PCCA: variants seen among roughly 807,000 people sequenced by gnomAD.
PCCA encodes the protein propionyl-CoA carboxylase subunit alpha, also known as propionyl-CoA carboxylase alpha chain, mitochondrial.
Under a neutral mutation model 101.3 loss-of-function variants are expected in PCCA, and 74 were observed. The observed-to-expected ratio is 0.73, with a 90% CI of 0.61 to 0.89. PCCA has a LOEUF of 0.89. Among genes scored for constraint, PCCA ranks in the 40% least tolerant of loss-of-function variants. The probability of loss-of-function intolerance (pLI) is 0.00; values close to 1 mark genes in which losing one functional copy is unlikely to be tolerated. For synonymous variants in PCCA, 294 were observed against 313.6 expected, an observed-to-expected ratio of 0.94 and a Z score of 0.66; for missense variants, 891 against 907.0, an observed-to-expected ratio of 0.98 and a Z score of 0.23.
chr13:100,484,675 A>G (rs983875236), intron 21 of PCCA, among the ~76,000 whole-genome samples: 1 of 152,238 alleles, frequency 6.6e-6, no homozygotes, highest in Non-Finnish European at 1.5e-5. Flanking sequence ...ATTAACACAT[A>G]TCAAATAGAC....
At chr13:100,378,895 A>C (rs1371641820) in intron 19 of PCCA, among the ~76,000 whole-genome samples, 1 of 151,994 alleles carries the variant, frequency 6.6e-6, no homozygotes, top group Non-Finnish European at 1.5e-5. Context: ...ATTAGTATCA[A>C]AATTTTTAGT....
intron 6 of PCCA, among the ~76,000 whole-genome samples, chr13:100,193,152 T>G: frequency 6.6e-6 from 1 of 152,180 alleles, no homozygotes; most frequent in East Asian, 1.9e-4. Flanking sequence ...TACAAGCAGG[T>G]GAGATGGGCC....
At chr13:100,220,483 C>G (rs557088127) in intron 7 of PCCA, among the ~76,000 whole-genome samples, 1 of 150,660 alleles carries the variant, frequency 6.6e-6, no homozygotes, top group Admixed American at 6.6e-5. Context: ...CCATGTTGGC[C>G]GGGTCTTGAA....
chr13:100,398,095 ACAC>A (rs1394991919), intron 19 of PCCA, among the ~76,000 whole-genome samples: 2 of 152,156 alleles, frequency 1.3e-5, no homozygotes, highest in Non-Finnish European at 2.9e-5. Context: ...GCTACGAAAA[ACAC>A]CAAGGAAATG....
chr13:100,201,711 G>A (rs1041299107), intron 6 of PCCA, among the ~76,000 whole-genome samples: 1 of 151,844 alleles, frequency 6.6e-6, no homozygotes, highest in Non-Finnish European at 1.5e-5. Context: ...TACAAAATTA[G>A]CTGGGCGTGG....
rs2053230786 is a variant in PCCA, at chr13:100,150,892, A to G, written c.301-4087A>G. The G allele has an allele frequency of 5.8e-6, 9 of 1,552,608 alleles. No homozygotes were observed. The South Asian group carries it at 1.0e-4, about 17-fold the overall frequency. ...TAGGAACTGGGCGTTTTCGGCCACCACGGCAAACACGAATCCTATATATAA... is the reference window on the plus strand; with the variant it reads ...TAGGAACTGGGCGTTTTCGGCCACCGCGGCAAACACGAATCCTATATATAA... On this transcript the variant is annotated intron_variant, in intron 4 of 23. Transcript: ENST00000376285.
Position 100,339,122 on chromosome 13 carries a change from C to T in PCCA, c.1541-1035C>T, listed in dbSNP as rs111668932. On this transcript the variant is annotated intron_variant, in intron 17 of 23. Coordinates refer to ENST00000376285, the MANE Select transcript of PCCA (RefSeq NM_000282.4). ...ATATAACTTAGACATATCCTCCCTG[C>T]ACTTTAAATCATCTCTAGGTTACTT... Among the ~76,000 whole-genome samples the T allele has an allele frequency of 2.5e-3, 387 of 152,184 alleles. 4 individuals carry two copies. In the South Asian group the frequency reaches 0.028, roughly 11 times the overall value.
rs200539967 is a variant in PCCA at position 100,301,557 on chromosome 13, A to C, written c.1163A>C (p.Asp388Ala). The C allele has an allele frequency of 6.2e-7, 1 of 1,614,080 alleles. No homozygotes were observed. Among genetic ancestry groups the C allele is most frequent in the Non-Finnish European group, 8.5e-7 (1 of 1,179,970 alleles). Residue 388 changes from aspartate to alanine, a missense_variant, in exon 13 of 24, where the codon GAT (aspartate) becomes GCT (alanine). Transcript: ENST00000376285. ...TACCCTCTCAGGCACAAACAAGCTG[A>C]TATTCGCATCAACGGCTGGGCAGTT... ...KGYPLRHKQA[D>A]IRINGWAVEC...
At position 100,264,488 on chromosome 13, in the gene PCCA, C is replaced by T. The variant is rs536247531; in HGVS notation, c.819+1657C>T. Among the ~76,000 whole-genome samples the T allele has an allele frequency of 3.7e-4, 57 of 152,204 alleles. 2 individuals carry two copies. In the South Asian group the frequency reaches 7.7e-3, roughly 21 times the overall value. ...AGTTCTTAAATTGCATAAATGAAAT[C>T]CAGTGATATAGTCTGTCACGTCTTC... On this transcript the variant is annotated intron_variant, in intron 10 of 23. Transcript: ENST00000376285.
intron 7 of PCCA, among the ~76,000 whole-genome samples, chr13:100,210,566 A>C (rs994378324): frequency 1.3e-5 from 2 of 152,224 alleles, no homozygotes; most frequent in African/African-American, 4.8e-5. Context: ...GTATATTGCA[A>C]ACATTTAGCA....
intron 19 of PCCA, among the ~76,000 whole-genome samples, chr13:100,399,087 CCT>C (rs1567066063): frequency 6.6e-6 from 1 of 151,796 alleles, no homozygotes; most frequent in Non-Finnish European, 1.5e-5. Flanking sequence ...ATATGCTTTG[CCT>C]ATTTATATTT....
At chr13:100,441,989 C>CTTTTTTTTTTTTTTTT (rs776208311) in intron 20 of PCCA, among the ~76,000 whole-genome samples, 2 of 128,528 alleles carry the variant, frequency 1.6e-5, no homozygotes, top group African/African-American at 2.7e-5. Flanking sequence ...TTCCTTTTTT[C>CTTTTTTTTTTTTTTTT]TTTTTTTTTT....
chr13:100,417,780 A>G (rs1048412348), intron 19 of PCCA, among the ~76,000 whole-genome samples: 2 of 152,050 alleles, frequency 1.3e-5, no homozygotes, highest in African/African-American at 4.8e-5. Flanking sequence ...CTTTTCTGGA[A>G]TGTTCCACTA....
intron 12 of PCCA, among the ~76,000 whole-genome samples, chr13:100,287,137 A>C (rs374492414): frequency 6.6e-6 from 1 of 152,160 alleles, no homozygotes; most frequent in Non-Finnish European, 1.5e-5. Flanking sequence ...TCTACATTAC[A>C]TACTGAAATT....
chr13:100,275,519 G>A (rs2063591365), intron 12 of PCCA, among the ~76,000 whole-genome samples: 1 of 152,134 alleles, frequency 6.6e-6, no homozygotes, highest in African/African-American at 2.4e-5. Context: ...GTTCACGTGT[G>A]CCTCTGTAAG....
At chr13:100,209,579 T>G (rs1012716756) in intron 7 of PCCA, 116 bp downstream of exon 7, 1 of 756,740 alleles carries the variant, frequency 1.3e-6, no homozygotes, top group South Asian at 1.4e-5. Context: ...CACACACATA[T>G]GCACGCACAT....
intron 4 of PCCA, among the ~76,000 whole-genome samples, chr13:100,142,000 T>G (rs2152346020): frequency 6.6e-6 from 1 of 152,288 alleles, no homozygotes. Context: ...GGAAATATGT[T>G]TCGATGACTT....
At chr13:100,378,189 G>A (rs897670005) in intron 19 of PCCA, among the ~76,000 whole-genome samples, 1 of 152,136 alleles carries the variant, frequency 6.6e-6, no homozygotes, top group Non-Finnish European at 1.5e-5. Context: ...ATTAATGAAG[G>A]ATATTATTAC....
intron 21 of PCCA, among the ~76,000 whole-genome samples, chr13:100,474,227 T>A (rs2083242823): frequency 6.6e-6 from 1 of 152,172 alleles, no homozygotes; most frequent in Non-Finnish European, 1.5e-5. Flanking sequence ...CTTCTTCAAT[T>A]TTAAATGCAA....
Sources: allele counts gnomAD v4.1 joint callset (sites outside exome capture counted in the v4.1 genomes callset), GRCh38; gene constraint gnomAD v4.1.1; transcripts MANE v1.5; gene names NCBI Gene and HGNC (gene_info 2026-07-23, HGNC 2026-07-21).